The following TTC7A variants were observed in gnomAD, a reference collection of about 807,000 sequenced individuals.
TTC7A encodes tetratricopeptide repeat protein 7A.
In TTC7A, 110 loss-of-function variants were observed where a neutral mutation model predicts 103.7. That is an observed-to-expected ratio of 1.06 (90% CI 0.91 to 1.24). TTC7A has a LOEUF of 1.24. Among genes scored for constraint, TTC7A ranks in the 50% most tolerant of loss-of-function variants. TTC7A has a pLI of 0.00. For synonymous variants in TTC7A, 521 were observed against 467.9 expected (o/e 1.11, Z -1.47); for missense variants, 1,340 against 1,116.3 (o/e 1.20, Z -2.86).
In TTC7A at chr2:46,921,904, A is replaced by G. The variant is rs188984120; in HGVS notation, c.82+4627A>G. Among the ~76,000 whole-genome samples the G allele has an allele frequency of 3.4e-3, 511 of 152,302 alleles. 4 individuals carry two copies. Among genetic ancestry groups the G allele is most frequent in the African/African-American group, 0.012 (482 of 41,552 alleles). On this transcript the variant is annotated intron_variant, in intron 2 of 20. Coordinates refer to the TTC7A transcript ENST00000409245. ...ACAGGAGGCATAGCTCAGGTTGGTAATGCTCACTCGCCCACCCAGTGCTCA... is the reference window on the plus strand; with the variant it reads ...ACAGGAGGCATAGCTCAGGTTGGTAGTGCTCACTCGCCCACCCAGTGCTCA...
At chr2:47,058,809 G>A (rs1320711064) in intron 18 of TTC7A, among the ~76,000 whole-genome samples, 4 of 152,152 alleles carry the variant, frequency 2.6e-5, no homozygotes, top group Non-Finnish European at 5.9e-5. Flanking sequence ...TGAAATGTGT[G>A]TGTGTGGGGG....
intron 18 of TTC7A, among the ~76,000 whole-genome samples, chr2:47,053,037 G>T (rs1419491551): frequency 6.6e-6 from 1 of 152,096 alleles, no homozygotes; most frequent in South Asian, 2.1e-4. Context: ...TATGCAGTAC[G>T]CCCCCACTCT....
chr2:46,930,666 AT>A (rs1669650975), intron 2 of TTC7A, among the ~76,000 whole-genome samples: 1 of 151,886 alleles, frequency 6.6e-6, no homozygotes, highest in Admixed American at 6.6e-5. Flanking sequence ...CGTGCAGCTA[AT>A]TTTTGTATTT....
At chr2:46,944,155 A>G (rs1558492679) in intron 1 of TTC7A, among the ~76,000 whole-genome samples, 1 of 152,142 alleles carries the variant, frequency 6.6e-6, no homozygotes, top group Admixed American at 6.5e-5. Context: ...GGGTTTGTTC[A>G]TATAGAAACA....
At chr2:46,945,494 C>T (rs1446538730) in intron 1 of TTC7A, among the ~76,000 whole-genome samples, 6 of 152,182 alleles carry the variant, frequency 3.9e-5, no homozygotes, top group Non-Finnish European at 7.4e-5. Flanking sequence ...ATGTTCCAGC[C>T]GCCTCGGCCT....
At chr2:47,034,385 TTG>T (rs1486321801) in intron 15 of TTC7A, 1 of 152,252 alleles carries the variant, frequency 6.6e-6, no homozygotes, top group African/African-American at 2.4e-5. Flanking sequence ...TCCTTTCTTC[TTG>T]TTTTGGGTAT....
chr2:47,073,590 A>G lies in TTC7A; in HGVS notation c.2356-112A>G, dbSNP rs925652430. On this transcript the variant is annotated intron_variant, in intron 19 of 19. Coordinates refer to ENST00000319190, the MANE Select transcript of TTC7A (RefSeq NM_020458.4). ...CAGTGCCCAAGCCAGAGACGCGGGAATCCTCTCGAGCTGATGGCTGCTGCC... is the reference window on the plus strand; with the variant it reads ...CAGTGCCCAAGCCAGAGACGCGGGAGTCCTCTCGAGCTGATGGCTGCTGCC... The G allele has an allele frequency of 6.8e-6, 6 of 879,692 alleles. No individual in the cohort carries two copies. The African/African-American group carries it at 1.0e-4, about 15-fold the overall frequency. The allele number at this position is 879,692 out of a possible 1,614,324, so 54.5% of individuals were successfully genotyped here.
chr2:47,023,512 G>T (rs1436451585), intron 13 of TTC7A, 47 bp downstream of exon 13: 1 of 1,594,866 alleles, frequency 6.3e-7, no homozygotes. Context: ...GCCTTTGGTG[G>T]CAGATTCACA....
At chr2:46,926,974 G>A (rs1041499274) in intron 2 of TTC7A, among the ~76,000 whole-genome samples, 6 of 151,714 alleles carry the variant, frequency 4.0e-5, no homozygotes, top group Admixed American at 2.6e-4. Flanking sequence ...AAAATATAAC[G>A]GATAGATTGA....
chr2:46,965,053 A>G (rs1217149556), intron 3 of TTC7A, among the ~76,000 whole-genome samples: 1 of 152,138 alleles, frequency 6.6e-6, no homozygotes, highest in Admixed American at 6.5e-5. Flanking sequence ...GTGACATGCT[A>G]GGTTGTGAAG....
At chr2:47,027,868 C>A (rs996477558) in intron 14 of TTC7A, among the ~76,000 whole-genome samples, 2 of 100,660 alleles carry the variant, frequency 2.0e-5, no homozygotes, top group Non-Finnish European at 4.1e-5. Flanking sequence ...CCAGGACTGG[C>A]AGCCTCTTTT....
At chr2:46,916,041 C>T, upstream of TTC7A, 1 of 985,464 alleles carries the variant, frequency 1.0e-6, no homozygotes, top group Non-Finnish European at 1.2e-6. Context: ...GCCCTAGGGG[C>T]CCGGCAGTTG....
In TTC7A at chr2:47,065,053, C is replaced by T. The variant is rs192811254; in HGVS notation, c.2355+4082C>T. Among the ~76,000 whole-genome samples, 135 of 152,262 alleles carry T rather than the reference C, an allele frequency of 8.9e-4. 1 individual carries two copies. Among genetic ancestry groups the T allele is most frequent in the African/African-American group, 3.2e-3 (132 of 41,554 alleles). On this transcript the variant is annotated intron_variant, in intron 19 of 19. Coordinates refer to ENST00000319190, the MANE Select transcript of TTC7A (RefSeq NM_020458.4). ...CTGTAATCCCAGCAGTTTGGGAGGC[C>T]GAGGCGGGCGGATCACGAGGTCAGG...
intron 1 of TTC7A, among the ~76,000 whole-genome samples, chr2:46,944,553 C>A (rs968147235): frequency 1.3e-5 from 2 of 151,962 alleles, no homozygotes; most frequent in Non-Finnish European, 2.9e-5. Context: ...CCCATCTCTA[C>A]CCCCTACTCC....
chr2:46,948,292 T>G (rs146274038), intron 1 of TTC7A, among the ~76,000 whole-genome samples: 297 of 152,256 alleles, frequency 2.0e-3, no homozygotes, highest in African/African-American at 6.7e-3. Flanking sequence ...GGGAGCAACT[T>G]TCCCCAAGGC....
chr2:47,021,871 G>A lies in TTC7A; in HGVS notation c.1402G>A (p.Ala468Thr), dbSNP rs1191845827. The A allele has an allele frequency of 3.1e-6, 5 of 1,613,966 alleles. No individual in the cohort carries two copies. The African/African-American group carries it at 4.0e-5, about 13-fold the overall frequency. Residue 468 changes from alanine (A) to threonine (T), a missense_variant, in exon 12 of 20, where the codon GCA (alanine) becomes ACA (threonine). Transcript: ENST00000319190. ...TCTCTCCTCTTTGCAGCTAGAGGAA[G>A]CAGAGCACTTTGCCATGATGGTGAT... ...CIGSLRWLEE[A>T]EHFAMMVISL...
At chr2:46,961,610 A>AAATAAATAAAAT (rs1339884385) in intron 3 of TTC7A, among the ~76,000 whole-genome samples, 1 of 151,424 alleles carries the variant, frequency 6.6e-6, no homozygotes, top group Non-Finnish European at 1.5e-5. Flanking sequence ...TAAATAAAAT[A>AAATAAATAAAAT]AAAAATAATC....
At chr2:47,031,062 A>C (rs1340538323) in intron 15 of TTC7A, among the ~76,000 whole-genome samples, 8 of 152,098 alleles carry the variant, frequency 5.3e-5, no homozygotes, top group Non-Finnish European at 1.2e-4. Flanking sequence ...CAGGAGAATC[A>C]CTTGAATCTG....
chr2:47,000,351 A>T (rs936458867), intron 8 of TTC7A, among the ~76,000 whole-genome samples: 2 of 152,106 alleles, frequency 1.3e-5, no homozygotes, highest in African/African-American at 4.8e-5. Flanking sequence ...GGTTTGTTCT[A>T]ACACAAGGCC....
Sources: allele counts gnomAD v4.1 joint callset (sites outside exome capture counted in the v4.1 genomes callset), GRCh38; gene constraint gnomAD v4.1.1; transcripts MANE v1.5; gene names NCBI Gene and HGNC (gene_info 2026-07-23, HGNC 2026-07-21).